ITPKB: variants seen among roughly 807,000 people sequenced by gnomAD.
ITPKB encodes IP3 3-kinase B.
A neutral mutation model predicts 69.4 loss-of-function variants in ITPKB; 13 were observed. That is an observed-to-expected ratio of 0.19 (90% confidence interval 0.12 to 0.30). The LOEUF is 0.30. ITPKB is among the 10% of genes least tolerant of loss of function. The pLI is 1.00. For missense variants in ITPKB, 1,240 were observed against 1,250.5 expected (o/e 0.99, Z 0.13); for synonymous variants, 584 against 513.7 (o/e 1.14, Z -1.85).
In ITPKB at chr1:226,738,260, T is replaced by C. The variant is rs1657873042; in HGVS notation, c.-205-597A>G. Among the ~76,000 whole-genome samples the C allele has an allele frequency of 6.6e-6, 1 of 152,144 alleles. No individual in the cohort carries two copies. Among genetic ancestry groups the C allele is most frequent in the African/African-American group, 2.4e-5 (1 of 41,458 alleles). ...TGCCCGCCGTTTACCTTCCTGACCC[T>C]AGCCTTGGGGCTGTGTCTCTCGGCC... is the stretch of plus-strand genomic sequence containing the variant. On this transcript the variant is annotated intron_variant, in intron 1 of 7. Coordinates refer to ENST00000429204, the MANE Select transcript of ITPKB (RefSeq NM_002221.4). The surrounding 1 kb of genome is among the most constrained non-coding windows in gnomAD (Gnocchi z 4.2).
intron 2 of ITPKB, among the ~76,000 whole-genome samples, chr1:226,729,000 T>C (rs1657504647): frequency 6.6e-6 from 1 of 152,214 alleles, no homozygotes; most frequent in Non-Finnish European, 1.5e-5. Flanking sequence ...CTCTCCTTCA[T>C]TCATTCACCC....
chr1:226,713,056 A>ATGCATGCACACACACATACACACG (rs1277738083), intron 2 of ITPKB, among the ~76,000 whole-genome samples: 60 of 152,104 alleles, frequency 3.9e-4, no homozygotes, highest in Non-Finnish European at 7.6e-4. Flanking sequence ...ATATACACAC[A>ATGCATGCACACACACATACACACG]TGCATGCACA....
intron 2 of ITPKB, among the ~76,000 whole-genome samples, chr1:226,726,441 C>G (rs1162201189): frequency 1.3e-5 from 2 of 152,078 alleles, no homozygotes; most frequent in Non-Finnish European, 2.9e-5. Flanking sequence ...GATTGGGAGG[C>G]CAAGGTGGAA....
chr1:226,717,935 C>G (rs1267762691), intron 2 of ITPKB, among the ~76,000 whole-genome samples: 1 of 152,232 alleles, frequency 6.6e-6, no homozygotes, highest in Non-Finnish European at 1.5e-5. Flanking sequence ...TTTTCTAAGC[C>G]AGATCATTCC....
intron 2 of ITPKB, among the ~76,000 whole-genome samples, chr1:226,709,771 T>G (rs1656897534): frequency 6.6e-6 from 1 of 152,220 alleles, no homozygotes; most frequent in African/African-American, 2.4e-5. Flanking sequence ...GTTTCCTCAC[T>G]GTCATTCTCT....
chr1:226,720,924 C>T (rs1657221553), intron 2 of ITPKB, among the ~76,000 whole-genome samples: 1 of 152,004 alleles, frequency 6.6e-6, no homozygotes, highest in Admixed American at 6.6e-5. Flanking sequence ...TGTCTGTAAT[C>T]CCAGCTACTC....
intron 2 of ITPKB, 71 bp downstream of exon 2, chr1:226,735,454 AAG>A: frequency 1.4e-6 from 2 of 1,412,196 alleles, no homozygotes; most frequent in Non-Finnish European, 1.9e-6. Context: ...AGTTAAGAAA[AAG>A]GGATGCATAG....
Position 226,737,078 on chromosome 1 carries a change from G to A in ITPKB, c.381C>T (p.Ala127=), listed in dbSNP as rs140396711. The change falls in exon 2 of 8, where the codon GCC becomes GCT. Residue 127 remains alanine, a synonymous_variant. Transcript: ENST00000429204. ...GCTGCAAGATCCGCAGCTTCCTCTT[G>A]GCCTCCTCCGGCCCTGGCGGGGAGA... The part of the protein sequence containing the change: ...GTLSPPGPEE[A]KRKLRILQRE... 6.8e-6 allele frequency: 11 copies of A among 1,609,938 alleles called. No individual in the cohort carries two copies. Among genetic ancestry groups the A allele is most frequent in the African/African-American group, 6.7e-5 (5 of 74,914 alleles).
At chr1:226,732,678 C>G (rs1462696821) in intron 2 of ITPKB, among the ~76,000 whole-genome samples, 1 of 151,684 alleles carries the variant, frequency 6.6e-6, no homozygotes, top group Non-Finnish European at 1.5e-5. Flanking sequence ...TCCAGATTCT[C>G]TTAAACAGAA....
At chr1:226,722,611 T>A (rs1158004411) in intron 2 of ITPKB, among the ~76,000 whole-genome samples, 1 of 152,204 alleles carries the variant, frequency 6.6e-6, no homozygotes, top group African/African-American at 2.4e-5. Flanking sequence ...AGGGAGTTAC[T>A]GTCCAGCACA....
At chr1:226,699,478 G>A (rs778151770) in intron 2 of ITPKB, among the ~76,000 whole-genome samples, 7 of 152,348 alleles carry the variant, frequency 4.6e-5, no homozygotes, top group Non-Finnish European at 1.0e-4. Flanking sequence ...GGACAACTGA[G>A]AAGTCATTTA....
rs1440755254 is a variant in ITPKB at position 226,633,575 on chromosome 1, T to C, written c.*1096A>G. Reference sequence around the variant, plus strand: ...ACCCTACAAGATACCCACACTACATTGGAGAAGCAGGAATCTAAGCCCTCC... The same window carrying C: ...ACCCTACAAGATACCCACACTACATCGGAGAAGCAGGAATCTAAGCCCTCC... On this transcript the variant is annotated 3_prime_UTR_variant, in exon 8 of 8. Coordinates refer to ENST00000429204, the MANE Select transcript of ITPKB (RefSeq NM_002221.4). 1 of 152,080 alleles carries C rather than the reference T, an allele frequency of 6.6e-6. No homozygotes were observed. Among genetic ancestry groups the C allele is most frequent in the Non-Finnish European group, 1.5e-5 (1 of 68,008 alleles). The allele number at this position is 152,080 out of a possible 1,614,324, so 9.4% of individuals were successfully genotyped here.
intron 2 of ITPKB, among the ~76,000 whole-genome samples, chr1:226,705,470 G>A (rs1228351244): frequency 2.6e-5 from 4 of 151,618 alleles, no homozygotes; most frequent in South Asian, 4.2e-4. Context: ...CAGAGGTTGC[G>A]GTGAGCCAAG....
intron 2 of ITPKB, among the ~76,000 whole-genome samples, chr1:226,670,578 G>A (rs1669594580): frequency 6.6e-6 from 1 of 152,216 alleles, no homozygotes; most frequent in Non-Finnish European, 1.5e-5. Context: ...CGTGGAAAAT[G>A]TTGCTATAAG....
Position 226,737,508 on chromosome 1 carries a change from C to T in ITPKB, c.-50G>A, listed in dbSNP as rs1161937546. 6.9e-7 allele frequency: 1 copy of T among 1,453,160 alleles called. No homozygotes were observed. The highest frequency in any genetic ancestry group is 9.1e-7 in the Non-Finnish European group (1 of 1,104,472). 90.0% of individuals were successfully genotyped at this position (1,453,160 alleles called of 1,614,324 possible). The stretch of plus-strand genomic sequence containing the variant: ...CGCCGCGGCTCCCGCTCCTGCTCCG[C>T]CGCCGGCGCCTCCTCCTCCCGGCGC... On this transcript the variant is annotated 5_prime_UTR_variant, in exon 2 of 8. Transcript: ENST00000429204.
chr1:226,711,416 AGAG>A (rs1396708830), intron 2 of ITPKB, among the ~76,000 whole-genome samples: 4 of 109,466 alleles, frequency 3.7e-5, no homozygotes, highest in African/African-American at 1.1e-4. Flanking sequence ...AGAGAGAGAG[AGAG>A]AGAGAGAGAG....
At chr1:226,720,530 C>T (rs140315919) in intron 2 of ITPKB, among the ~76,000 whole-genome samples, 1 of 152,318 alleles carries the variant, frequency 6.6e-6, no homozygotes, top group East Asian at 1.9e-4. Context: ...TATGTCTCAT[C>T]CTCATCTCTA....
In ITPKB at chr1:226,675,532, T is replaced by C. The variant is rs532725598; in HGVS notation, c.1933-26761A>G. Among the ~76,000 whole-genome samples, 255 of 152,144 alleles carry C rather than the reference T, an allele frequency of 1.7e-3. 2 individuals carry two copies. The highest frequency in any genetic ancestry group is 6.0e-3 in the African/African-American group (248 of 41,506). On this transcript the variant is annotated intron_variant, in intron 2 of 7. Coordinates refer to ENST00000429204, the MANE Select transcript of ITPKB (RefSeq NM_002221.4). ...TGGGGAGGAGGAAGGAAGGGGAAAATGGCAGGATGACATATTGGAAAGAAC... is the reference window on the plus strand; with the variant it reads ...TGGGGAGGAGGAAGGAAGGGGAAAACGGCAGGATGACATATTGGAAAGAAC...
At chr1:226,704,684 C>A (rs1656759200) in intron 2 of ITPKB, among the ~76,000 whole-genome samples, 1 of 152,208 alleles carries the variant, frequency 6.6e-6, no homozygotes, top group African/African-American at 2.4e-5. Flanking sequence ...TACAGCCAAG[C>A]TTTTTTCAGA....
Sources: allele counts gnomAD v4.1 joint callset (sites outside exome capture counted in the v4.1 genomes callset), GRCh38; gene constraint gnomAD v4.1.1; non-coding constraint Gnocchi (gnomAD v3.1); transcripts MANE v1.5; gene names NCBI Gene and HGNC (gene_info 2026-07-23, HGNC 2026-07-21).